The following CTNNA3 variants were observed in gnomAD, a reference collection of about 807,000 sequenced individuals.
The protein encoded by CTNNA3 is catenin alpha 3.
CTNNA3 carries 76 observed loss-of-function variants against 95.7 expected under a neutral mutation model. The ratio of observed to expected loss-of-function variants is 0.79; its 90% confidence interval spans 0.66 to 0.96. The LOEUF is 0.96. CTNNA3 is among the 40% of genes least tolerant of loss of function. CTNNA3 has a pLI of 0.00. For missense variants in CTNNA3, 1,191 were observed against 1,089.8 expected (o/e 1.09, Z -1.31); for synonymous variants, 431 against 374.4 (o/e 1.15, Z -1.74).
chr10:66,146,663 C>T (rs1233629869), intron 13 of CTNNA3, among the ~76,000 whole-genome samples: 2 of 152,032 alleles, frequency 1.3e-5, no homozygotes, highest in Non-Finnish European at 2.9e-5. Flanking sequence ...CTCAAGTGAT[C>T]CACCCACCTT....
At chr10:67,739,573 TA>T (rs1418648537) in intron 1 of CTNNA3, among the ~76,000 whole-genome samples, 1 of 151,468 alleles carries the variant, frequency 6.6e-6, no homozygotes, top group Non-Finnish European at 1.5e-5. Context: ...TCAAAGAGAA[TA>T]AAATACCTAG....
intron 7 of CTNNA3, among the ~76,000 whole-genome samples, chr10:66,799,224 T>G (rs1446277762): frequency 6.6e-6 from 1 of 151,570 alleles, no homozygotes; most frequent in Admixed American, 6.6e-5. Flanking sequence ...TAAATAGTCA[T>G]GTAAAGGAGT....
chr10:66,704,832 T>C lies in CTNNA3; in HGVS notation c.1281+61432A>G, dbSNP rs76889215. On this transcript the variant is annotated intron_variant, in intron 9 of 17. Coordinates refer to ENST00000433211, the MANE Select transcript of CTNNA3 (RefSeq NM_013266.4). ...TATTTTCTACATAAATGATCTCATGTCATCTGTAAAGCTTTACTTCTTCCT... is the reference window on the plus strand; with the variant it reads ...TATTTTCTACATAAATGATCTCATGCCATCTGTAAAGCTTTACTTCTTCCT... Among the ~76,000 whole-genome samples the C allele has an allele frequency of 1.8e-4, 27 of 152,282 alleles. No homozygotes were observed. The East Asian group carries it at 3.7e-3, about 21-fold the overall frequency.
chr10:66,596,099 C>T (rs887795605), intron 10 of CTNNA3, among the ~76,000 whole-genome samples: 7 of 152,026 alleles, frequency 4.6e-5, no homozygotes. Flanking sequence ...TCTGTCTCAT[C>T]CCACCCAGAA....
chr10:66,369,187 T>C (rs556207123), intron 12 of CTNNA3, among the ~76,000 whole-genome samples: 12 of 152,288 alleles, frequency 7.9e-5, no homozygotes, highest in African/African-American at 2.6e-4. Flanking sequence ...AGTAATACTT[T>C]CTTTTGTAAT....
In CTNNA3 at chr10:66,493,970, C is replaced by T. The variant is rs372770486; in HGVS notation, c.1531+26647G>A. Among the ~76,000 whole-genome samples the T allele has an allele frequency of 6.1e-3, 788 of 128,402 alleles. 7 individuals are homozygous for T. The highest frequency in any genetic ancestry group is 0.023 in the African/African-American group (746 of 32,620). The allele number at this position is 128,402 out of a possible 152,430, so 84.2% of individuals were successfully genotyped here. The stretch of plus-strand genomic sequence containing the variant: ...TCACCCAGGCTGGAGTGCAGTGGCG[C>T]CACCTCGGCTCACTGCAACCTCCGC... On this transcript the variant is annotated intron_variant, in intron 11 of 17. Transcript: ENST00000433211.
At chr10:67,303,083 G>A (rs1840393568) in intron 5 of CTNNA3, among the ~76,000 whole-genome samples, 1 of 152,238 alleles carries the variant, frequency 6.6e-6, no homozygotes, top group East Asian at 1.9e-4. Flanking sequence ...AACTCATCCA[G>A]GTGATTCTAA....
chr10:66,138,820 C>T (rs759938547), intron 13 of CTNNA3, among the ~76,000 whole-genome samples: 20 of 152,142 alleles, frequency 1.3e-4, no homozygotes, highest in Non-Finnish European at 2.5e-4. Flanking sequence ...GATTGCACCA[C>T]TGCATTCCAG....
intron 9 of CTNNA3, among the ~76,000 whole-genome samples, chr10:66,738,552 G>A (rs1407360710): frequency 6.6e-6 from 1 of 152,208 alleles, no homozygotes; most frequent in African/African-American, 2.4e-5. Flanking sequence ...AATTACTTCT[G>A]TTTGCAATGT....
At chr10:66,481,142 T>C (rs961998152) in intron 11 of CTNNA3, among the ~76,000 whole-genome samples, 26 of 152,152 alleles carry the variant, frequency 1.7e-4, no homozygotes, top group African/African-American at 6.3e-4. Flanking sequence ...TAAAGGTATA[T>C]GTCTGTATAT....
At chr10:67,130,533 A>G (rs987894579) in intron 7 of CTNNA3, among the ~76,000 whole-genome samples, 2 of 152,188 alleles carry the variant, frequency 1.3e-5, no homozygotes, top group Non-Finnish European at 2.9e-5. Context: ...TTAAAATTAG[A>G]TAAACCTTCT....
At chr10:67,687,220 T>A (rs1438773715) in intron 1 of CTNNA3, among the ~76,000 whole-genome samples, 1 of 151,946 alleles carries the variant, frequency 6.6e-6, no homozygotes, top group Non-Finnish European at 1.5e-5. Context: ...CGGGGCTCAG[T>A]GAGGGTGATG....
At chr10:66,998,364 ATAGT>A (rs2132970270) in intron 7 of CTNNA3, among the ~76,000 whole-genome samples, 1 of 152,350 alleles carries the variant, frequency 6.6e-6, no homozygotes, top group East Asian at 1.9e-4. Context: ...CACAAGAAGC[ATAGT>A]TAATGTAAAA....
intron 9 of CTNNA3, among the ~76,000 whole-genome samples, chr10:66,630,195 T>A (rs575452147): frequency 4.6e-5 from 7 of 152,132 alleles, no homozygotes; most frequent in Non-Finnish European, 1.0e-4. Flanking sequence ...TGCTTGAGAA[T>A]GTATCATCTT....
intron 5 of CTNNA3, among the ~76,000 whole-genome samples, chr10:67,316,765 C>T (rs970765859): frequency 3.3e-5 from 5 of 152,128 alleles, no homozygotes; most frequent in African/African-American, 4.8e-5. Flanking sequence ...CCATGTTTTA[C>T]CTCCTCACAT....
intron 5 of CTNNA3, among the ~76,000 whole-genome samples, chr10:67,369,405 T>G (rs1843334183): frequency 6.6e-6 from 1 of 152,166 alleles, no homozygotes; most frequent in African/African-American, 2.4e-5. Flanking sequence ...GATCAAAGAT[T>G]TGCTTGTAGA....
intron 10 of CTNNA3, among the ~76,000 whole-genome samples, chr10:66,542,294 C>G (rs1485979461): frequency 1.3e-5 from 2 of 152,044 alleles, no homozygotes; most frequent in Admixed American, 1.3e-4. Context: ...GTTGGTGGGA[C>G]TGTAAACTAG....
chr10:67,397,816 G>C (rs1403184189), intron 5 of CTNNA3, among the ~76,000 whole-genome samples: 2 of 152,340 alleles, frequency 1.3e-5, no homozygotes, highest in East Asian at 3.9e-4. Context: ...ATGGCTAAAA[G>C]GGGTCAAGGT....
At chr10:67,157,546 G>T (rs192868106) in intron 7 of CTNNA3, among the ~76,000 whole-genome samples, 1 of 152,242 alleles carries the variant, frequency 6.6e-6, no homozygotes, top group Admixed American at 6.5e-5. Flanking sequence ...AGGTCCTACA[G>T]TAAATATCTT....
Sources: allele counts gnomAD v4.1 joint callset (sites outside exome capture counted in the v4.1 genomes callset), GRCh38; gene constraint gnomAD v4.1.1; transcripts MANE v1.5; gene names NCBI Gene and HGNC (gene_info 2026-07-23, HGNC 2026-07-21).